TTBK2: variants seen among roughly 807,000 people sequenced by gnomAD.
TTBK2 encodes tau tubulin kinase 2, also known as tau-tubulin kinase 2.
Under a neutral mutation model 110.8 loss-of-function variants are expected in TTBK2, and 28 were observed. That is an observed-to-expected ratio of 0.25 (90% confidence interval 0.19 to 0.35). TTBK2 has a LOEUF of 0.35. Ranked by LOEUF, TTBK2 falls within the 10% of genes least tolerant of loss-of-function variation. The pLI, the probability that TTBK2 is intolerant of heterozygous loss-of-function variation, is 1.00. For missense variants in TTBK2, 1,369 were observed against 1,500.3 expected (o/e 0.91, Z 1.45); for synonymous variants, 532 against 527.3 (o/e 1.01, Z -0.12).
chr15:42,880,166 A>G (rs988050254), intron 1 of TTBK2, among the ~76,000 whole-genome samples: 4 of 152,194 alleles, frequency 2.6e-5, no homozygotes, highest in African/African-American at 9.6e-5. Flanking sequence ...AAAGGACCGT[A>G]ACAACAAGTA....
At chr15:42,812,530 G>A (rs1891766964) in intron 7 of TTBK2, among the ~76,000 whole-genome samples, 1 of 151,974 alleles carries the variant, frequency 6.6e-6, no homozygotes, top group South Asian at 2.1e-4. Context: ...ATCCTCTCAG[G>A]ATAAATACAT....
At chr15:42,751,103 G>T (rs2061859481) in intron 14 of TTBK2, among the ~76,000 whole-genome samples, 1 of 152,094 alleles carries the variant, frequency 6.6e-6, no homozygotes. Context: ...AAATGAAAGG[G>T]CGCCACACAG....
At chr15:42,792,678 G>A (rs1270703341) in intron 10 of TTBK2, among the ~76,000 whole-genome samples, 1 of 152,008 alleles carries the variant, frequency 6.6e-6, no homozygotes, top group Non-Finnish European at 1.5e-5. Flanking sequence ...AGTTTTTCTT[G>A]ATCTGTCTTT....
At chr15:42,911,701 A>G (rs1274563221) in intron 1 of TTBK2, among the ~76,000 whole-genome samples, 1 of 152,238 alleles carries the variant, frequency 6.6e-6, no homozygotes, top group Non-Finnish European at 1.5e-5. Flanking sequence ...GCCAACCCAC[A>G]GAACAGTTAA....
chr15:42,767,710 T>C (rs773312105), intron 13 of TTBK2, among the ~76,000 whole-genome samples: 1 of 152,176 alleles, frequency 6.6e-6, no homozygotes, highest in African/African-American at 2.4e-5. Context: ...CCATTCTTTC[T>C]GAAACTATTC....
intron 1 of TTBK2, among the ~76,000 whole-genome samples, chr15:42,903,046 T>C (rs74375925): frequency 6.6e-6 from 1 of 152,100 alleles, no homozygotes; most frequent in Non-Finnish European, 1.5e-5. Flanking sequence ...TTTTTTTTAT[T>C]TGAGACAGTC....
intron 7 of TTBK2, among the ~76,000 whole-genome samples, chr15:42,813,217 T>C (rs955246122): frequency 6.6e-6 from 1 of 152,100 alleles, no homozygotes; most frequent in Non-Finnish European, 1.5e-5. Flanking sequence ...ATACCAAAAG[T>C]ATTCAAATAA....
intron 13 of TTBK2, among the ~76,000 whole-genome samples, chr15:42,763,192 ATTTTTTTTTTTTTTTTTTTTTTTT>A (rs1183545103): frequency 1.5e-4 from 2 of 13,386 alleles, no homozygotes; most frequent in Admixed American, 1.5e-3. Flanking sequence ...ATATATATAT[ATTTTTTTTTTTTTTTTTTTTTTTT>A]TTTTTTTTTT....
intron 1 of TTBK2, among the ~76,000 whole-genome samples, chr15:42,900,144 C>T (rs772302604): frequency 6.6e-6 from 1 of 151,330 alleles, no homozygotes; most frequent in Non-Finnish European, 1.5e-5. Context: ...AGGCACCCAC[C>T]ACCACGCCCG....
At chr15:42,777,918 C>T (rs752263399) in intron 11 of TTBK2, among the ~76,000 whole-genome samples, 7 of 151,970 alleles carry the variant, frequency 4.6e-5, no homozygotes, top group Non-Finnish European at 8.8e-5. Context: ...GTGATATACT[C>T]AGGGTAGCAG....
At chr15:42,777,291 CAT>C (rs1386110175) in intron 11 of TTBK2, 49 bp from the exon 12 acceptor site, 3 of 1,557,250 alleles carry the variant, frequency 1.9e-6, no homozygotes, top group Admixed American at 1.7e-5. Context: ...AGGCAACACA[CAT>C]GAGAGGAATC....
intron 14 of TTBK2, among the ~76,000 whole-genome samples, chr15:42,748,392 G>A (rs757662874): frequency 1.3e-5 from 2 of 152,082 alleles, no homozygotes; most frequent in African/African-American, 2.4e-5. Context: ...GAGAGGCAGA[G>A]GTTGCAGTGA....
At chr15:42,828,522 T>C (rs1338376687) in intron 5 of TTBK2, among the ~76,000 whole-genome samples, 2 of 151,346 alleles carry the variant, frequency 1.3e-5, no homozygotes, top group Non-Finnish European at 2.9e-5. Flanking sequence ...GAGACCATCC[T>C]GACCAACATG....
At chr15:42,748,976 G>A (rs763109153) in intron 14 of TTBK2, among the ~76,000 whole-genome samples, 7 of 152,098 alleles carry the variant, frequency 4.6e-5, no homozygotes, top group Non-Finnish European at 8.8e-5. Flanking sequence ...CATGGACAAC[G>A]TATTCTTCAC....
rs1172853268 is a variant in TTBK2 at position 42,902,978 on chromosome 15, C to CTT, written c.-68+17459_-68+17460insAA. On this transcript the variant is annotated intron_variant, in intron 1 of 14. Coordinates refer to ENST00000267890, the MANE Select transcript of TTBK2 (RefSeq NM_173500.4). ...CCAGCCTGGGCAACAGAGTGACACT[C>CTT]TGTTTCTCAAAAAAAAAAAAAAAAG... is the stretch of plus-strand genomic sequence containing the variant. Among the ~76,000 whole-genome samples the CTT allele has an allele frequency of 2.8e-5, 4 of 142,638 alleles. No homozygotes were observed. The East Asian group carries it at 8.1e-4, about 29-fold the overall frequency. 93.6% of individuals were successfully genotyped at this position (142,638 alleles called of 152,430 possible). A position where few individuals can be genotyped will look rare whatever the true frequency, so the allele number is the denominator to read the frequency against.
chr15:42,800,794 AGCTGGAG>A (rs1447831883), intron 9 of TTBK2, among the ~76,000 whole-genome samples: 1 of 150,538 alleles, frequency 6.6e-6, no homozygotes. Context: ...ATTGTTTCAT[AGCTGGAG>A]GCATGGGCAA....
intron 7 of TTBK2, among the ~76,000 whole-genome samples, chr15:42,815,240 A>G (rs1356171808): frequency 6.6e-6 from 1 of 152,098 alleles, no homozygotes; most frequent in Non-Finnish European, 1.5e-5. Context: ...ATCAAACCAA[A>G]TGAGTTTAAA....
At chr15:42,915,283 TCTGTG>T (rs1444685807) in intron 1 of TTBK2, among the ~76,000 whole-genome samples, 1 of 152,268 alleles carries the variant, frequency 6.6e-6, no homozygotes, top group Non-Finnish European at 1.5e-5. Context: ...ATCTGCACCG[TCTGTG>T]CTGTTTGTCA....
At chr15:42,771,290 T>A (rs573653735) in intron 13 of TTBK2, among the ~76,000 whole-genome samples, 1 of 152,216 alleles carries the variant, frequency 6.6e-6, no homozygotes, top group South Asian at 2.1e-4. Context: ...TTCCTTAACC[T>A]TCCCAGAAAG....
Sources: gnomAD v4.1 joint callset for allele counts (sites outside exome capture counted in the v4.1 genomes callset) on GRCh38, gnomAD v4.1.1 for gene constraint, MANE v1.5 for transcripts, NCBI Gene and HGNC (gene_info 2026-07-23, HGNC 2026-07-21) for gene names.